Variants in HEMK2 observed in about 807,000 individuals in gnomAD.
HEMK2 encodes the protein HemK methyltransferase 2, ETF1 glutamine and histone H4 lysine.
the HEMK2 span, among the ~76,000 whole-genome samples, chr21:28,679,227 A>G: frequency 6.6e-6 from 1 of 152,198 alleles, no homozygotes; most frequent in South Asian, 2.1e-4. Flanking sequence ...AAAACAAAAA[A>G]AGGCAGGGGT....
the HEMK2 span, among the ~76,000 whole-genome samples, chr21:28,771,759 A>G: frequency 0.54 from 82,693 of 151,818 alleles, 25,737 homozygotes; most frequent in African/African-American, 0.85. Flanking sequence ...GACATTCAAA[A>G]AATCTCCTGA....
At chr21:28,589,572 A>G in the HEMK2 span, among the ~76,000 whole-genome samples, 1 of 152,168 alleles carries the variant, frequency 6.6e-6, no homozygotes. Context: ...AAATTAAATA[A>G]TTAAGTAAAG....
At chr21:28,785,758 C>G in the HEMK2 span, among the ~76,000 whole-genome samples, 1 of 152,190 alleles carries the variant, frequency 6.6e-6, no homozygotes, top group Non-Finnish European at 1.5e-5. Context: ...TAAACAAATT[C>G]AAATGAGACC....
chr21:28,771,375 A>G, the HEMK2 span, among the ~76,000 whole-genome samples: 1 of 152,166 alleles, frequency 6.6e-6, no homozygotes, highest in African/African-American at 2.4e-5. Context: ...GGTTATTTGC[A>G]TCACTCTCCC....
At chr21:28,710,169 G>A in the HEMK2 span, among the ~76,000 whole-genome samples, 2 of 152,188 alleles carry the variant, frequency 1.3e-5, no homozygotes, top group Non-Finnish European at 2.9e-5. Context: ...GGAGCACAGG[G>A]AAGAATCTGT....
the HEMK2 span, among the ~76,000 whole-genome samples, chr21:28,706,451 A>C: frequency 6.6e-6 from 1 of 152,154 alleles, no homozygotes; most frequent in Non-Finnish European, 1.5e-5. Context: ...GAGTGTGTGT[A>C]AAATATGGCC....
At chr21:28,841,343 T>TATATACTATTATATATA in the HEMK2 span, among the ~76,000 whole-genome samples, 1 of 18,570 alleles carries the variant, frequency 5.4e-5, no homozygotes, top group African/African-American at 1.2e-3. Flanking sequence ...ATATATATTA[T>TATATACTATTATATATA]ATATATAAAT....
the HEMK2 span, among the ~76,000 whole-genome samples, chr21:28,822,761 CATA>C: frequency 1.3e-5 from 2 of 152,210 alleles, no homozygotes; most frequent in Admixed American, 1.3e-4. Flanking sequence ...AGCTCTGTGC[CATA>C]ATGACTTGAT....
the HEMK2 span, among the ~76,000 whole-genome samples, chr21:28,765,321 A>G: frequency 6.6e-6 from 1 of 152,120 alleles, no homozygotes; most frequent in Non-Finnish European, 1.5e-5. Context: ...GCCAAGGACT[A>G]GAAGAGCCAG....
At chr21:28,667,576 TCACATTGC>T in the HEMK2 span, among the ~76,000 whole-genome samples, 2 of 142,012 alleles carry the variant, frequency 1.4e-5, no homozygotes, top group Admixed American at 7.1e-5. Flanking sequence ...TGTGATTATT[TCACATTGC>T]ATCATTGCAT....
At chr21:28,727,246 A>G in the HEMK2 span, among the ~76,000 whole-genome samples, 1 of 152,180 alleles carries the variant, frequency 6.6e-6, no homozygotes, top group African/African-American at 2.4e-5. Flanking sequence ...CTTGGGAAGG[A>G]GATGCATCCC....
chr21:28,857,759 G>C, the HEMK2 span, among the ~76,000 whole-genome samples: 1 of 152,108 alleles, frequency 6.6e-6, no homozygotes. Context: ...AATAACCAAA[G>C]ATTTCCCTCC....
the HEMK2 span, chr21:28,626,479 T>G: frequency 6.6e-6 from 1 of 152,086 alleles, no homozygotes. Flanking sequence ...AATACATATA[T>G]TCAAAAAGAG....
the HEMK2 span, among the ~76,000 whole-genome samples, chr21:28,595,543 G>A: frequency 2.6e-5 from 4 of 152,220 alleles, no homozygotes; most frequent in South Asian, 4.1e-4. Context: ...GTACTCCATT[G>A]TGAATAAATA....
At chr21:28,828,051 A>G in the HEMK2 span, among the ~76,000 whole-genome samples, 1 of 152,356 alleles carries the variant, frequency 6.6e-6, no homozygotes, top group Non-Finnish European at 1.5e-5. Context: ...TTAGGCTACA[A>G]GTCCTCCACT....
At chr21:28,700,647 G>A in the HEMK2 span, among the ~76,000 whole-genome samples, 2 of 152,044 alleles carry the variant, frequency 1.3e-5, no homozygotes, top group Non-Finnish European at 2.9e-5. Flanking sequence ...AATTGAATCC[G>A]TAATAAAAAG....
the HEMK2 span, among the ~76,000 whole-genome samples, chr21:28,626,878 G>T: frequency 1.3e-5 from 2 of 151,898 alleles, no homozygotes; most frequent in Non-Finnish European, 1.5e-5. Context: ...CAACAATTCT[G>T]CTCCTAAGTA....
chr21:28,591,972 T>A, the HEMK2 span, among the ~76,000 whole-genome samples: 1 of 152,220 alleles, frequency 6.6e-6, no homozygotes, highest in Non-Finnish European at 1.5e-5. Context: ...TTAGGTTGAT[T>A]CTATGTCTTT....
At chr21:28,643,858 C>A in the HEMK2 span, among the ~76,000 whole-genome samples, 1 of 152,210 alleles carries the variant, frequency 6.6e-6, no homozygotes, top group Non-Finnish European at 1.5e-5. Context: ...AAGCTCTGCT[C>A]CATGTAGTCA....
Sources: gnomAD v4.1 joint callset for allele counts (sites outside exome capture counted in the v4.1 genomes callset) on GRCh38, gnomAD v4.1.1 for gene constraint, MANE v1.5 for transcripts, NCBI Gene and HGNC (gene_info 2026-07-23, HGNC 2026-07-21) for gene names.